The following GNAL variants were observed in gnomAD, a reference collection of about 807,000 sequenced individuals.
GNAL encodes the protein G protein subunit alpha L.
Under a neutral mutation model 55.1 loss-of-function variants are expected in GNAL, and 18 were observed. That is an observed-to-expected ratio of 0.33 (90% confidence interval 0.23 to 0.48). GNAL has a LOEUF of 0.48. GNAL is among the 20% of genes least tolerant of loss of function. The pLI is 0.99. For missense variants in GNAL, 412 were observed against 614.1 expected, an observed-to-expected ratio of 0.67 and a Z score of 3.48; for synonymous variants, 253 against 237.0, an observed-to-expected ratio of 1.07 and a Z score of -0.62.
chr18:11,865,787 A>C (rs1206517613), intron 7 of GNAL, among the ~76,000 whole-genome samples: 1 of 145,944 alleles, frequency 6.9e-6, no homozygotes, highest in Non-Finnish European at 1.5e-5. Context: ...GCATCCAAGC[A>C]TCCCTCAAAT....
chr18:11,770,420 AT>A (rs1188559194), intron 4 of GNAL, among the ~76,000 whole-genome samples: 7 of 152,178 alleles, frequency 4.6e-5, no homozygotes, highest in Non-Finnish European at 1.0e-4. Flanking sequence ...TTTTCTCTTA[AT>A]TTTCCTCCCT....
At position 11,867,162 on chromosome 18, in the gene GNAL, C is replaced by G; in HGVS notation, c.852-6C>G. ...AAATAATTGTGTTCCTCTTGCTCTT[C>G]CACAGCATGTTTGATGTTGGTGGCC... On this transcript the variant is annotated splice_region_variant and splice_polypyrimidine_tract_variant and intron_variant, in intron 7 of 11. Transcript: ENST00000334049. The G allele has an allele frequency of 6.2e-7, 1 of 1,606,452 alleles. No homozygotes were observed.
At chr18:11,798,071 A>G (rs1475303180) in intron 4 of GNAL, among the ~76,000 whole-genome samples, 2 of 152,332 alleles carry the variant, frequency 1.3e-5, no homozygotes, top group South Asian at 4.1e-4. Context: ...ACAATCTTCT[A>G]AAGTTAACAT....
chr18:11,842,006 G>T (rs1451057100), intron 5 of GNAL, among the ~76,000 whole-genome samples: 6 of 150,802 alleles, frequency 4.0e-5, no homozygotes, highest in Middle Eastern at 3.4e-3. Flanking sequence ...GAGTTTCGCT[G>T]TTGTTGCCCA....
At chr18:11,787,882 A>G (rs904426467) in intron 4 of GNAL, among the ~76,000 whole-genome samples, 1 of 151,952 alleles carries the variant, frequency 6.6e-6, no homozygotes, top group Non-Finnish European at 1.5e-5. Flanking sequence ...TCAAAAAAAA[A>G]AAAAAGGAAA....
chr18:11,755,854 C>T (rs1158603337), intron 4 of GNAL, among the ~76,000 whole-genome samples: 3 of 152,140 alleles, frequency 2.0e-5, no homozygotes, highest in African/African-American at 4.8e-5. Flanking sequence ...GATGTCCTCC[C>T]GGTTCTCACT....
At chr18:11,837,351 A>G (rs999796163) in intron 5 of GNAL, among the ~76,000 whole-genome samples, 3 of 152,172 alleles carry the variant, frequency 2.0e-5, no homozygotes, top group Non-Finnish European at 4.4e-5. Flanking sequence ...TAGAAGGGGG[A>G]AAATGTTTAT....
At chr18:11,853,845 CAG>C (rs199546497) in intron 5 of GNAL, 2,568 of 167,066 alleles carry the variant, frequency 0.015, 52 homozygotes, top group African/African-American at 0.048. Context: ...ATTTTTGAGA[CAG>C]AGTCTCGCTC....
At chr18:11,853,442 A>G (rs558927519) in intron 5 of GNAL, 3 of 167,122 alleles carry the variant, frequency 1.8e-5, no homozygotes, top group Non-Finnish European at 2.9e-5. Context: ...TGCCTTGGCA[A>G]GCATGCTAAC....
chr18:11,852,118 A>G (rs1269419317), intron 5 of GNAL: 1 of 1,583,330 alleles, frequency 6.3e-7, no homozygotes, highest in Admixed American at 1.8e-5. Context: ...GTGACGGCAG[A>G]ACCCGCTCTG....
At chr18:11,825,800 C>T (rs2035228837) in intron 5 of GNAL, among the ~76,000 whole-genome samples, 1 of 146,438 alleles carries the variant, frequency 6.8e-6, no homozygotes, top group Non-Finnish European at 1.5e-5. Flanking sequence ...CCCTGAAACA[C>T]TTACTTTTCC....
chr18:11,864,320 T>C (rs2036212785), intron 6 of GNAL, among the ~76,000 whole-genome samples: 1 of 152,132 alleles, frequency 6.6e-6, no homozygotes, highest in African/African-American at 2.4e-5. Flanking sequence ...TCTCAACTCC[T>C]GACCTCAGGT....
intron 1 of GNAL, among the ~76,000 whole-genome samples, chr18:11,719,752 GCACTCA>G (rs2032050803): frequency 6.6e-6 from 1 of 150,572 alleles, no homozygotes; most frequent in Non-Finnish European, 1.5e-5. Context: ...GTGCAGAGCT[GCACTCA>G]CACCATGCTG....
At chr18:11,861,037 G>T (rs787550) in intron 5 of GNAL, among the ~76,000 whole-genome samples, 8 of 152,022 alleles carry the variant, frequency 5.3e-5, no homozygotes, top group Non-Finnish European at 1.2e-4. Flanking sequence ...TGGTGTGGGA[G>T]GATGGGGAGA....
intron 1 of GNAL, among the ~76,000 whole-genome samples, chr18:11,715,365 G>A (rs1263723418): frequency 1.3e-5 from 2 of 150,864 alleles, no homozygotes; most frequent in South Asian, 2.1e-4. Flanking sequence ...GGAGGCTGAG[G>A]CAGGAGAATG....
At chr18:11,877,403 C>T (rs1056952593) in intron 11 of GNAL, among the ~76,000 whole-genome samples, 10 of 152,050 alleles carry the variant, frequency 6.6e-5, no homozygotes, top group African/African-American at 9.7e-5. Context: ...TGCGGTGAGC[C>T]GAGACCACAC....
intron 5 of GNAL, among the ~76,000 whole-genome samples, chr18:11,828,369 CT>C (rs1436554442): frequency 6.6e-6 from 1 of 152,020 alleles, no homozygotes; most frequent in Non-Finnish European, 1.5e-5. Flanking sequence ...GTGCCACACA[CT>C]CCAGCCTGGG....
At chr18:11,826,580 C>A (rs896237345) in intron 5 of GNAL, among the ~76,000 whole-genome samples, 6 of 152,250 alleles carry the variant, frequency 3.9e-5, no homozygotes, top group African/African-American at 1.4e-4. Flanking sequence ...AAGGCAGAGA[C>A]CCTGTGGGGT....
At chr18:11,763,369 A>G (rs949724249) in intron 4 of GNAL, among the ~76,000 whole-genome samples, 3 of 152,198 alleles carry the variant, frequency 2.0e-5, no homozygotes, top group Non-Finnish European at 4.4e-5. Flanking sequence ...CTGTAACCAC[A>G]GCACAGGTAT....
Sources: gnomAD v4.1 joint callset for allele counts (sites outside exome capture counted in the v4.1 genomes callset) on GRCh38, gnomAD v4.1.1 for gene constraint, MANE v1.5 for transcripts, NCBI Gene and HGNC (gene_info 2026-07-23, HGNC 2026-07-21) for gene names.